Variants in MDFIC observed in about 807,000 individuals in gnomAD.
The protein encoded by MDFIC is MyoD family inhibitor domain containing.
Under a neutral mutation model 23.2 loss-of-function variants are expected in MDFIC, and 17 were observed. The observed-to-expected ratio is 0.73, with a 90% CI of 0.50 to 1.10. The LOEUF (loss-of-function observed/expected upper bound fraction) is 1.10, where lower values mean the gene tolerates loss of function less well. Ranked by LOEUF, MDFIC falls within the 50% of genes least tolerant of loss-of-function variation. MDFIC has a pLI of 0.00. For synonymous variants in MDFIC, 120 were observed against 115.2 expected, an observed-to-expected ratio of 1.04 and a Z score of -0.27; for missense variants, 356 against 316.6, an observed-to-expected ratio of 1.12 and a Z score of -0.95.
chr7:114,952,364 G>A (rs1792794469), intron 3 of MDFIC, among the ~76,000 whole-genome samples: 1 of 152,056 alleles, frequency 6.6e-6, no homozygotes, highest in Non-Finnish European at 1.5e-5. Context: ...AATGAGAGGG[G>A]CTGGTGGAAA....
At chr7:115,014,221 G>C in intron 4 of MDFIC, 12 of 985,394 alleles carry the variant, frequency 1.2e-5, no homozygotes, top group Non-Finnish European at 1.4e-5. Flanking sequence ...CAAGGAGTTA[G>C]GGAGTTTAGG....
intron 4 of MDFIC, among the ~76,000 whole-genome samples, chr7:115,010,643 A>C (rs1047322865): frequency 2.1e-4 from 32 of 152,214 alleles, no homozygotes; most frequent in Non-Finnish European, 3.7e-4. Flanking sequence ...AGAGTAACCC[A>C]AAGTGCTTTT....
At chr7:114,960,351 C>G (rs1367649975) in intron 3 of MDFIC, among the ~76,000 whole-genome samples, 1 of 152,112 alleles carries the variant, frequency 6.6e-6, no homozygotes, top group East Asian at 1.9e-4. Flanking sequence ...CGTTTTCAGG[C>G]TGATCCAGAG....
rs775613352 is a variant in MDFIC at position 114,922,996 on chromosome 7, G to C, written c.-38G>C. 18 of 1,509,470 alleles carry C rather than the reference G, an allele frequency of 1.2e-5. No homozygotes were observed. Among genetic ancestry groups the C allele is most frequent in the South Asian group, 7.4e-5 (6 of 80,642 alleles). The allele number at this position is 1,509,470 out of a possible 1,614,324, so 93.5% of individuals were successfully genotyped here. A position where few individuals can be genotyped will look rare whatever the true frequency, so the allele number is the denominator to read the frequency against. ...GTGCGCCCTGCCGGGCGGCGAGCTA[G>C]GCGGCAGCGGCGCGGCGCGGGCTCG... On this transcript the variant is annotated 5_prime_UTR_variant, in exon 2 of 5. The change abolishes the stop of an existing upstream ORF in the 5' untranslated region. Transcript: ENST00000393486.
In MDFIC at chr7:114,922,479, C is replaced by A; in HGVS notation, c.-265C>A. The A allele has an allele frequency of 8.0e-7, 1 of 1,252,964 alleles. No homozygotes were observed. Among genetic ancestry groups the A allele is most frequent in the East Asian group, 3.1e-5 (1 of 31,978 alleles). The allele number at this position is 1,252,964 out of a possible 1,614,324, so 77.6% of individuals were successfully genotyped here. ...CCGCCACTGCGGCGTCTGGGCTGAG[C>A]CGGAGGGAGGCGGGAGGACGCGCAG... On this transcript the variant is annotated 5_prime_UTR_variant, in exon 1 of 5. Transcript: ENST00000393486.
intron 4 of MDFIC, among the ~76,000 whole-genome samples, chr7:114,997,599 C>G (rs1791362131): frequency 6.8e-6 from 1 of 147,896 alleles, no homozygotes; most frequent in African/African-American, 2.5e-5. Context: ...AAAAATTAAC[C>G]AGGCGTGGTG....
At chr7:114,950,652 C>T (rs552568806) in intron 3 of MDFIC, among the ~76,000 whole-genome samples, 1 of 152,162 alleles carries the variant, frequency 6.6e-6, no homozygotes, top group African/African-American at 2.4e-5. Flanking sequence ...GGAATAGTCT[C>T]AGGGGAGGTA....
At chr7:114,975,243 C>T (rs1266987374) in intron 3 of MDFIC, among the ~76,000 whole-genome samples, 1 of 151,962 alleles carries the variant, frequency 6.6e-6, no homozygotes, top group Non-Finnish European at 1.5e-5. Flanking sequence ...GTACAAAATG[C>T]AGAGTTTGTA....
At chr7:114,964,254 T>A (rs762767702) in intron 3 of MDFIC, among the ~76,000 whole-genome samples, 1 of 152,146 alleles carries the variant, frequency 6.6e-6, no homozygotes, top group Non-Finnish European at 1.5e-5. Flanking sequence ...CATGGGATGG[T>A]TTATAGGGGT....
At chr7:114,995,035 C>T (rs1037958065) in intron 4 of MDFIC, among the ~76,000 whole-genome samples, 1 of 152,178 alleles carries the variant, frequency 6.6e-6, no homozygotes, top group African/African-American at 2.4e-5. Context: ...TTCTTGGAGA[C>T]TTTGTTCGTT....
At chr7:114,968,889 A>T (rs992263068) in intron 3 of MDFIC, among the ~76,000 whole-genome samples, 1 of 152,206 alleles carries the variant, frequency 6.6e-6, no homozygotes, top group Non-Finnish European at 1.5e-5. Context: ...GTAAATGTTC[A>T]GTTAGCAATT....
chr7:114,977,511 A>G (rs927585077), intron 3 of MDFIC, among the ~76,000 whole-genome samples: 6 of 152,124 alleles, frequency 3.9e-5, no homozygotes, highest in Non-Finnish European at 7.4e-5. Flanking sequence ...GGTGTGGCTA[A>G]CAGCTTGCAT....
chr7:114,928,744 G>T (rs1792245967), intron 2 of MDFIC, among the ~76,000 whole-genome samples: 1 of 152,178 alleles, frequency 6.6e-6, no homozygotes, highest in Admixed American at 6.5e-5. Flanking sequence ...AACCACTTGT[G>T]TTTTTAGGAA....
intron 2 of MDFIC, among the ~76,000 whole-genome samples, chr7:114,926,544 C>T (rs776677553): frequency 2.7e-4 from 41 of 152,106 alleles, no homozygotes; most frequent in Admixed American, 4.6e-4. Flanking sequence ...AGACGTAGAT[C>T]GTTGGACTCT....
At chr7:115,010,299 C>A (rs1791656613) in intron 4 of MDFIC, among the ~76,000 whole-genome samples, 1 of 151,934 alleles carries the variant, frequency 6.6e-6, no homozygotes, top group Non-Finnish European at 1.5e-5. Flanking sequence ...TTTATTTTAA[C>A]CTTTTCATTA....
In MDFIC at chr7:114,922,249, T is replaced by A; in HGVS notation, c.-495T>A. Reference sequence around the variant, plus strand: ...GCGCCGCTCCCAGCATCGGGGCCGCTAGCCAAGAGTTCGAGGCCTTCCCGA... The same window carrying A: ...GCGCCGCTCCCAGCATCGGGGCCGCAAGCCAAGAGTTCGAGGCCTTCCCGA... On this transcript the variant is annotated 5_prime_UTR_variant, in exon 1 of 5. Transcript: ENST00000393486. 1.6e-6 allele frequency: 1 copy of A among 612,846 alleles called. No individual in the cohort carries two copies. The highest frequency in any genetic ancestry group is 2.4e-6 in the Non-Finnish European group (1 of 423,536). The allele number at this position is 612,846 out of a possible 1,614,324, so 38.0% of individuals were successfully genotyped here.
At chr7:114,929,885 T>C (rs560476721) in intron 2 of MDFIC, among the ~76,000 whole-genome samples, 25 of 152,182 alleles carry the variant, frequency 1.6e-4, no homozygotes, top group African/African-American at 5.3e-4. Context: ...TGGAATGGGA[T>C]GAAGGGACCA....
intron 4 of MDFIC, among the ~76,000 whole-genome samples, chr7:115,010,942 A>G (rs1791669775): frequency 6.6e-6 from 1 of 152,204 alleles, no homozygotes; most frequent in South Asian, 2.1e-4. Flanking sequence ...TCAACTTTTT[A>G]TTAAAATGAA....
intron 3 of MDFIC, among the ~76,000 whole-genome samples, chr7:114,958,776 T>TAACA (rs905597703): frequency 2.6e-4 from 39 of 152,026 alleles, no homozygotes; most frequent in Admixed American, 4.6e-4. Context: ...AACAACAAAA[T>TAACA]AACAAACAAA....
Sources: allele counts gnomAD v4.1 joint callset (sites outside exome capture counted in the v4.1 genomes callset), GRCh38; gene constraint gnomAD v4.1.1; transcripts MANE v1.5; gene names NCBI Gene and HGNC (gene_info 2026-07-23, HGNC 2026-07-21).